Variants in CYP4F12 observed in about 807,000 individuals in gnomAD.
CYP4F12 encodes the protein cytochrome P450 family 4 subfamily F member 12.
Under a neutral mutation model 56.5 loss-of-function variants are expected in CYP4F12, and 60 were observed. The observed-to-expected ratio is 1.06, with a 90% CI of 0.86 to 1.32. The LOEUF (loss-of-function observed/expected upper bound fraction) is 1.32, where lower values mean the gene tolerates loss of function less well. Ranked by LOEUF, CYP4F12 falls within the 40% of genes most tolerant of loss-of-function variation. The probability of loss-of-function intolerance (pLI) is 0.00; values close to 1 mark genes in which losing one functional copy is unlikely to be tolerated. For synonymous variants in CYP4F12, 263 were observed against 264.9 expected (o/e 0.99, Z 0.07); for missense variants, 711 against 683.5 (o/e 1.04, Z -0.45).
rs2007439814 is a variant in CYP4F12, at chr19:15,683,657, T to A, written c.812T>A (p.Ile271Asn). Residue 271 changes from isoleucine (I) to asparagine (N), a missense_variant, in exon 7 of 13, where the codon ATC becomes AAC. Physicochemically the swap from Ile to Asn is moderately radical, Grantham distance 149. Coordinates refer to ENST00000550308, the MANE Select transcript of CYP4F12 (RefSeq NM_023944.4). ...GTGCATGACTTCACAGACGCTGTCA[T>A]CCGGGAGCGGCGTCGCACCCTCCCC... The part of the protein sequence containing the change: ...RLVHDFTDAV[I>N]RERRRTLPTQ... 1.9e-6 allele frequency: 3 copies of A among 1,613,858 alleles called. No individual in the cohort carries two copies. The highest frequency in any genetic ancestry group is 2.5e-6 in the Non-Finnish European group (3 of 1,179,936).
rs1223513648 is a variant in CYP4F12 at position 15,673,719 on chromosome 19, C to T, written c.190C>T (p.Leu64=). 3.7e-6 allele frequency: 6 copies of T among 1,613,922 alleles called. No homozygotes were observed. The Admixed American group carries it at 6.7e-5, about 18-fold the overall frequency. ...PPKRNWFWGH[L]GLITPTEEGL... ...AAAACGGAACTGGTTTTGGGGTCAC[C>T]TGGGCCTGGTGAGTGTGACAGCAAA... Residue 64 remains leucine, a synonymous_variant, in exon 2 of 13, where the codon CTG becomes TTG. Coordinates refer to ENST00000550308, the MANE Select transcript of CYP4F12 (RefSeq NM_023944.4).
At position 15,695,920 on chromosome 19, in the gene CYP4F12, T is replaced by C. The variant is rs759643791; in HGVS notation, c.1116-16T>C. 1 of 1,609,692 alleles carries C rather than the reference T, an allele frequency of 6.2e-7. No homozygotes were observed. The highest frequency in any genetic ancestry group is 2.2e-5 in the East Asian group (1 of 44,816). On this transcript the variant is annotated splice_polypyrimidine_tract_variant and intron_variant, in intron 9 of 12. Transcript: ENST00000550308. Reference sequence around the variant, plus strand: ...TTGTTCCCTTGATAATGACTGGGGCTGGGGTGTTTCCTTAGGGACGACCTG... The same window carrying C: ...TTGTTCCCTTGATAATGACTGGGGCCGGGGTGTTTCCTTAGGGACGACCTG...
intron 9 of CYP4F12, among the ~76,000 whole-genome samples, chr19:15,692,817 T>C (rs1387344717): frequency 2.0e-5 from 3 of 152,066 alleles, no homozygotes; most frequent in East Asian, 3.9e-4. Flanking sequence ...TTCATGACTG[T>C]AATCCCAGTA....
chr19:15,676,218 G>T (rs186209623), intron 2 of CYP4F12, among the ~76,000 whole-genome samples: 2 of 152,254 alleles, frequency 1.3e-5, no homozygotes, highest in Admixed American at 1.3e-4. Flanking sequence ...TAGGGGTTCA[G>T]GGAGCTGTGT....
chr19:15,673,391 A>C, intron 1 of CYP4F12, 138 bp from the exon 2 acceptor site: 3 of 946,086 alleles, frequency 3.2e-6, no homozygotes, highest in Non-Finnish European at 4.7e-6. Flanking sequence ...TCTGGACTTC[A>C]GATCTCAGCC....
intron 7 of CYP4F12, 177 bp downstream of exon 7, chr19:15,683,940 G>T (rs773478873): frequency 2.4e-5 from 16 of 659,944 alleles, no homozygotes; most frequent in Non-Finnish European, 3.8e-5. Context: ...ACAGGGCACT[G>T]CTAATTCTGA....
chr19:15,681,831 A>G (rs548271331), intron 5 of CYP4F12: 2 of 152,778 alleles, frequency 1.3e-5, no homozygotes, highest in African/African-American at 4.8e-5. Context: ...AATTTATTAC[A>G]ATGGAGATGA....
Position 15,697,050 on chromosome 19 carries a change from C to T in CYP4F12, c.1540C>T (p.Leu514=), listed in dbSNP as rs758583205. ...CATGCGCGCCGAGGGCGGGCTTTGG[C>T]TGCGGGTGGAGCCCCTGAATGTAAG... is the stretch of plus-strand genomic sequence containing the variant. The part of the protein sequence containing the change: ...LIMRAEGGLW[L]RVEPLNVSLQ Residue 514 remains leucine, a synonymous_variant, in exon 13 of 13, where the codon CTG becomes TTG. Coordinates refer to ENST00000550308, the MANE Select transcript of CYP4F12 (RefSeq NM_023944.4). 9.3e-6 allele frequency: 15 copies of T among 1,614,032 alleles called. No individual in the cohort carries two copies. In the South Asian group the frequency reaches 1.2e-4, roughly 13 times the overall value.
rs779385565 is a variant in CYP4F12 at position 15,696,405 on chromosome 19, CA to C, written c.1315-22del. 3.1e-5 allele frequency: 50 copies of C among 1,613,928 alleles called. No homozygotes were observed. In the East Asian group the frequency reaches 8.2e-4, roughly 27 times the overall value. ...TGCTGGACATAGGAAATCCCACTGG[CA>C]AACCTTCTTTGTCTCACCTGCAGGT... On this transcript the variant is annotated intron_variant, in intron 11 of 12. Coordinates refer to ENST00000550308, the MANE Select transcript of CYP4F12 (RefSeq NM_023944.4).
chr19:15,682,836 A>G (rs2007378434), intron 6 of CYP4F12, among the ~76,000 whole-genome samples: 1 of 152,208 alleles, frequency 6.6e-6, no homozygotes, highest in Non-Finnish European at 1.5e-5. Flanking sequence ...TTGTAGTTTC[A>G]GCTGATGATG....
chr19:15,685,323 C>T, intron 9 of CYP4F12, 126 bp downstream of exon 9: 1 of 1,416,724 alleles, frequency 7.1e-7, no homozygotes, highest in African/African-American at 1.4e-5. Flanking sequence ...AAGCAGAGGA[C>T]CACAGGCAGG....
rs758240454 is a variant in CYP4F12 at position 15,697,104 on chromosome 19, T to G, written c.*19T>G. On this transcript the variant is annotated 3_prime_UTR_variant, in exon 13 of 13. Transcript: ENST00000550308. ...GCAGTGACTTTCTGACCCATCCACC[T>G]GTTTTTTTGCAGATTGTCATGAATA... The G allele has an allele frequency of 1.9e-6, 3 of 1,601,420 alleles. No individual in the cohort carries two copies. Among genetic ancestry groups the G allele is most frequent in the Non-Finnish European group, 1.7e-6 (2 of 1,170,848 alleles).
chr19:15,696,439 C>G lies in CYP4F12; in HGVS notation c.1324C>G (p.Pro442Ala), dbSNP rs529430043. Residue 442 changes from proline (P) to alanine (A), a missense_variant, in exon 12 of 13, where the codon CCC becomes GCC. Transcript: ENST00000550308. ...TTTGTCTCACCTGCAGGTCTACGAC[C>G]CCTTCCGCTTTGACCCAGAGAACAG... ...TVWPDPEVYD[P>A]FRFDPENSKG... is the part of the protein sequence containing the mutation. 19 of 1,614,154 alleles carry G rather than the reference C, an allele frequency of 1.2e-5. No homozygotes were observed. The South Asian group carries it at 1.2e-4, about 10-fold the overall frequency.
At chr19:15,678,112 TA>T (rs2007083756) in intron 2 of CYP4F12, 148 bp from the exon 3 acceptor site, 1 of 1,015,936 alleles carries the variant, frequency 9.8e-7, no homozygotes, top group East Asian at 2.4e-5. Context: ...CCATCCTGTT[TA>T]CCTTCAAATG....
intron 2 of CYP4F12, among the ~76,000 whole-genome samples, chr19:15,677,970 C>G (rs369874881): frequency 4.8e-5 from 5 of 105,094 alleles, no homozygotes; most frequent in African/African-American, 1.2e-4. Context: ...TCATTCCTCT[C>G]CTCACTCACT....
Position 15,683,655 on chromosome 19 carries a change from C to T in CYP4F12, c.810C>T (p.Val270=), listed in dbSNP as rs375485034. ...TGGTGCATGACTTCACAGACGCTGT[C>T]ATCCGGGAGCGGCGTCGCACCCTCC... ...CRLVHDFTDA[V]IRERRRTLPT... Residue 270 remains valine, a synonymous_variant, in exon 7 of 13, where the codon GTC becomes GTT. Transcript: ENST00000550308. 2 of 1,613,994 alleles carry T rather than the reference C, an allele frequency of 1.2e-6. No individual in the cohort carries two copies. Among genetic ancestry groups the T allele is most frequent in the South Asian group, 2.2e-5 (2 of 91,066 alleles).
Position 15,697,066 on chromosome 19 carries a change from T to C in CYP4F12, c.1556T>C (p.Leu519Pro), listed in dbSNP as rs1056172698. Residue 519 changes from leucine (L) to proline (P), a missense_variant, in exon 13 of 13, where the codon CTG becomes CCG. Coordinates refer to ENST00000550308, the MANE Select transcript of CYP4F12 (RefSeq NM_023944.4). ...GGGCTTTGGCTGCGGGTGGAGCCCC[T>C]GAATGTAAGCTTGCAGTGACTTTCT... The part of the protein sequence containing the change: ...EGGLWLRVEP[L>P]NVSLQ The C allele has an allele frequency of 6.2e-7, 1 of 1,613,624 alleles. No individual in the cohort carries two copies. The highest frequency in any genetic ancestry group is 8.5e-7 in the Non-Finnish European group (1 of 1,179,710).
chr19:15,693,082 A>G (rs4808362), intron 9 of CYP4F12, among the ~76,000 whole-genome samples: 92,658 of 151,758 alleles, frequency 0.61, 29,156 homozygotes, highest in African/African-American at 0.75. Flanking sequence ...CCCTCCCCCC[A>G]TCAAAAAAGA....
In CYP4F12 at chr19:15,683,717, C is replaced by G. The variant is rs1350564657; in HGVS notation, c.872C>G (p.Ala291Gly). ...QGIDDFFKDK[A>G]KSKTLDFIDV... ...ATTGATGATTTTTTCAAAGACAAAG[C>G]CAAGTCCAAGACTTTGGATTTCATT... is the stretch of plus-strand genomic sequence containing the variant. Residue 291 changes from alanine (A) to glycine (G), a missense_variant, in exon 7 of 13, where the codon GCC becomes GGC. Transcript: ENST00000550308. 1 of 1,600,788 alleles carries G rather than the reference C, an allele frequency of 6.2e-7. No individual in the cohort carries two copies. Among genetic ancestry groups the G allele is most frequent in the South Asian group, 1.1e-5 (1 of 88,920 alleles).
Sources: allele counts gnomAD v4.1 joint callset (sites outside exome capture counted in the v4.1 genomes callset), GRCh38; gene constraint gnomAD v4.1.1; transcripts MANE v1.5; gene names NCBI Gene and HGNC (gene_info 2026-07-23, HGNC 2026-07-21).